MFSD6: variants seen among roughly 807,000 people sequenced by gnomAD.
MFSD6 encodes major facilitator superfamily domain-containing protein 6.
A neutral mutation model predicts 56.3 loss-of-function variants in MFSD6; 26 were observed. The ratio of observed to expected loss-of-function variants is 0.46; its 90% CI spans 0.34 to 0.64. MFSD6 has a LOEUF of 0.64. Among genes scored for constraint, MFSD6 ranks in the 30% least tolerant of loss-of-function variants. The pLI, the probability that MFSD6 is intolerant of heterozygous loss-of-function variation, is 0.01. For missense variants in MFSD6, 750 were observed against 986.2 expected (o/e 0.76, Z 3.21); for synonymous variants, 331 against 366.9 (o/e 0.90, Z 1.12).
intron 4 of MFSD6, among the ~76,000 whole-genome samples, chr2:190,478,551 A>G (rs560006696): frequency 2.0e-5 from 3 of 152,306 alleles, no homozygotes; most frequent in South Asian, 4.1e-4. Context: ...AAATGGCTTT[A>G]AAGTCCGTGT....
chr2:190,411,675 G>A (rs960065981), intron 1 of MFSD6: 4 of 984,778 alleles, frequency 4.1e-6, no homozygotes, highest in African/African-American at 3.5e-5. Context: ...AAACTCTAAT[G>A]TTAGGGAAGT....
At position 190,496,115 on chromosome 2, in the gene MFSD6, T is replaced by A. The variant is rs1689657873; in HGVS notation, c.1892-1324T>A. 6.6e-6 allele frequency among the ~76,000 whole-genome samples: 1 copy of A among 151,284 alleles called. No homozygotes were observed. Among genetic ancestry groups the A allele is most frequent in the African/African-American group, 2.4e-5 (1 of 41,088 alleles). On this transcript the variant is annotated intron_variant, in intron 6 of 7. Coordinates refer to ENST00000392328, the MANE Select transcript of MFSD6 (RefSeq NM_017694.4). The surrounding 1 kb of genome is among the most constrained non-coding windows in gnomAD (Gnocchi z 4.7). Reference sequence around the variant, plus strand: ...TCCGACAAAGGACTAATATCCAGAATCTATGACGAACTCAAACAAATTAGC... The same window carrying A: ...TCCGACAAAGGACTAATATCCAGAAACTATGACGAACTCAAACAAATTAGC...
In MFSD6 at chr2:190,426,834, ATCT is replaced by A. The variant is rs1419271901; in HGVS notation, c.-53-9141_-53-9139del. On this transcript the variant is annotated intron_variant, in intron 2 of 7. Transcript: ENST00000392328. This position sits in a 1 kb window ranked among gnomAD's most constrained non-coding sequence, Gnocchi z 4.7. ...TGGGTATTATTTTATGAGACTGTGG[ATCT>A]TATTTAGACCTTCTGCTTTAGCTGA... Among the ~76,000 whole-genome samples the A allele has an allele frequency of 1.3e-5, 2 of 151,616 alleles. No homozygotes were observed. Among genetic ancestry groups the A allele is most frequent in the African/African-American group, 4.9e-5 (2 of 41,122 alleles).
In MFSD6 at chr2:190,412,213, A is replaced by G. The variant is rs1291742294; in HGVS notation, c.-175-3079A>G. 3.0e-5 allele frequency: 30 copies of G among 985,050 alleles called. No homozygotes were observed. The highest frequency in any genetic ancestry group is 3.5e-5 in the Non-Finnish European group (29 of 829,696). The allele number at this position is 985,050 out of a possible 1,614,324, so 61.0% of individuals were successfully genotyped here. On this transcript the variant is annotated intron_variant, in intron 1 of 7. Coordinates refer to ENST00000392328, the MANE Select transcript of MFSD6 (RefSeq NM_017694.4). The surrounding 1 kb of genome is among the most constrained non-coding windows in gnomAD (Gnocchi z 4.1). Reference sequence around the variant, plus strand: ...TCCAGACTTAGAAATCCAGAGCCATAATACATTCAGACTTTTCAGAATCAA... The same window carrying G: ...TCCAGACTTAGAAATCCAGAGCCATGATACATTCAGACTTTTCAGAATCAA...
rs1689871880 is a variant in MFSD6 at position 190,499,019 on chromosome 2, G to A, written c.2173-996G>A. 6.6e-6 allele frequency among the ~76,000 whole-genome samples: 1 copy of A among 152,020 alleles called. No individual in the cohort carries two copies. Among genetic ancestry groups the A allele is most frequent in the African/African-American group, 2.4e-5 (1 of 41,388 alleles). On this transcript the variant is annotated intron_variant, in intron 7 of 7. Coordinates refer to ENST00000392328, the MANE Select transcript of MFSD6 (RefSeq NM_017694.4). The surrounding 1 kb of genome is among the most constrained non-coding windows in gnomAD (Gnocchi z 6.0). ...AAAAATTAGCTGGGCATGGTGGCGG[G>A]TGCCTGTAATCCCAGCTACTATGGA...
intron 2 of MFSD6, among the ~76,000 whole-genome samples, chr2:190,420,058 AAG>A (rs1685554086): frequency 6.6e-5 from 3 of 45,792 alleles, no homozygotes; most frequent in African/African-American, 7.5e-5. Flanking sequence ...CTATATTTTC[AAG>A]TTTCTTTTTT....
chr2:190,471,699 C>T lies in MFSD6; in HGVS notation c.1630+1844C>T, dbSNP rs1201072705. 6.6e-6 allele frequency among the ~76,000 whole-genome samples: 1 copy of T among 152,188 alleles called. No homozygotes were observed. The highest frequency in any genetic ancestry group is 1.5e-5 in the Non-Finnish European group (1 of 68,036). On this transcript the variant is annotated intron_variant, in intron 4 of 7. Coordinates refer to ENST00000392328, the MANE Select transcript of MFSD6 (RefSeq NM_017694.4). The surrounding 1 kb of genome is among the most constrained non-coding windows in gnomAD (Gnocchi z 4.7). ...ATAGCCAAACAAAAGGCAGCAGAAA[C>T]CTCTGCAGACTTAAATGTCCCTGTC...
chr2:190,464,794 AAGTAG>A (rs1687511011), intron 3 of MFSD6: 1 of 452,454 alleles, frequency 2.2e-6, no homozygotes, highest in Non-Finnish European at 2.9e-6. Context: ...CTTGAAGACC[AAGTAG>A]ATTTCCTCTT....
At chr2:190,415,000 T>C (rs1218082973) in intron 1 of MFSD6, among the ~76,000 whole-genome samples, 2 of 152,228 alleles carry the variant, frequency 1.3e-5, no homozygotes, top group Admixed American at 6.5e-5. Context: ...GATATGGATA[T>C]AAGATTTTAT....
At chr2:190,473,769 TC>T (rs1223249398) in intron 4 of MFSD6, among the ~76,000 whole-genome samples, 1 of 152,176 alleles carries the variant, frequency 6.6e-6, no homozygotes, top group Non-Finnish European at 1.5e-5. Flanking sequence ...GAATATACAT[TC>T]TTTTCAGCAC....
In MFSD6 at chr2:190,447,413, G is replaced by A. The variant is rs552327033; in HGVS notation, c.1532+9852G>A. The stretch of plus-strand genomic sequence containing the variant: ...GAGAGCTTTGGATTTGTTAAAATAT[G>A]GCATTTATGGATTATTCCTGTACTG... On this transcript the variant is annotated intron_variant, in intron 3 of 7. Transcript: ENST00000392328. The surrounding 1 kb of genome is among the most constrained non-coding windows in gnomAD (Gnocchi z 4.5). 1.3e-4 allele frequency among the ~76,000 whole-genome samples: 20 copies of A among 152,196 alleles called. 1 individual carries two copies. The South Asian group carries it at 4.1e-3, about 32-fold the overall frequency.
rs7557681 is a variant in MFSD6, at chr2:190,426,019, A to T, written c.-53-9958A>T. Among the ~76,000 whole-genome samples the T allele has an allele frequency of 0.46, 69,516 of 151,866 alleles. 16,327 individuals carry two copies. Among genetic ancestry groups the T allele is most frequent in the Admixed American group, 0.61 (9,291 of 15,262 alleles). ...TTAGTTTTTAGAAGTTTGACTGATG[A>T]GTTTTGGTGTGGGCATTTTGTTTTA... On this transcript the variant is annotated intron_variant, in intron 2 of 7. Transcript: ENST00000392328. The surrounding 1 kb of genome is among the most constrained non-coding windows in gnomAD (Gnocchi z 4.7).
At position 190,411,468 on chromosome 2, in the gene MFSD6, A is replaced by G. The variant is rs564641378; in HGVS notation, c.-176+2965A>G. The G allele has an allele frequency of 1.0e-5, 10 of 985,366 alleles. No individual in the cohort carries two copies. In the African/African-American group the frequency reaches 1.4e-4, roughly 14 times the overall value. The allele number at this position is 985,366 out of a possible 1,614,324, so 61.0% of individuals were successfully genotyped here. A position where few individuals can be genotyped will look rare whatever the true frequency, so the allele number is the denominator to read the frequency against. On this transcript the variant is annotated intron_variant, in intron 1 of 7. Transcript: ENST00000392328. ...CCACTGCGCCCAGCCGACAGTGGCT[A>G]TCTTCAGGAAGTGAGACAAGATGGA...
rs1208451577 is a variant in MFSD6 at position 190,463,942 on chromosome 2, G to A, written c.1533-5816G>A. The A allele has an allele frequency of 3.0e-5, 29 of 957,956 alleles. No homozygotes were observed. Among genetic ancestry groups the A allele is most frequent in the Non-Finnish European group, 3.4e-5 (27 of 804,964 alleles). The allele number at this position is 957,956 out of a possible 1,614,324, so 59.3% of individuals were successfully genotyped here. ...ATCCAGTTTATATATGAGGCAGACT[G>A]TAGACTGTGCTCCAGGGATCTGGTG... On this transcript the variant is annotated intron_variant, in intron 3 of 7. Transcript: ENST00000392328. The surrounding 1 kb of genome is among the most constrained non-coding windows in gnomAD (Gnocchi z 4.4).
chr2:190,429,619 A>G (rs1314341306), intron 2 of MFSD6, among the ~76,000 whole-genome samples: 1 of 152,116 alleles, frequency 6.6e-6, no homozygotes, highest in Non-Finnish European at 1.5e-5. Context: ...CTAGCCAGAA[A>G]TTCTTAATTT....
rs1686941606 is a variant in MFSD6 at position 190,454,959 on chromosome 2, T to TGTATATGTATAC, written c.1533-14788_1533-14787insCGTATATGTATA. On this transcript the variant is annotated intron_variant, in intron 3 of 7. Coordinates refer to ENST00000392328, the MANE Select transcript of MFSD6 (RefSeq NM_017694.4). The surrounding 1 kb of genome is among the most constrained non-coding windows in gnomAD (Gnocchi z 4.6). ...ATGTATATGTATATGTATATGTATA[T>TGTATATGTATAC]GTATATGTATATGTATATGTATATG... 2.8e-5 allele frequency among the ~76,000 whole-genome samples: 3 copies of TGTATATGTATAC among 108,304 alleles called. No individual in the cohort carries two copies. Among genetic ancestry groups the TGTATATGTATAC allele is most frequent in the African/African-American group, 9.0e-5 (3 of 33,488 alleles). The allele number at this position is 108,304 out of a possible 152,430, so 71.1% of individuals were successfully genotyped here.
At chr2:190,442,625 C>T (rs1228291273) in intron 3 of MFSD6, 1 of 152,094 alleles carries the variant, frequency 6.6e-6, no homozygotes, top group Non-Finnish European at 1.5e-5. Flanking sequence ...GTAAAATTGA[C>T]AGAATTATTT....
rs1685708131 is a variant in MFSD6 at position 190,423,899 on chromosome 2, C to T, written c.-54+8486C>T. On this transcript the variant is annotated intron_variant, in intron 2 of 7. Transcript: ENST00000392328. The surrounding 1 kb of genome is among the most constrained non-coding windows in gnomAD (Gnocchi z 4.3). ...TTCCCTAATCATTAATGATGTTGAA[C>T]ATCTTTTCATTTGTATCTATGCATT... Among the ~76,000 whole-genome samples the T allele has an allele frequency of 6.6e-6, 1 of 152,154 alleles. No homozygotes were observed. Among genetic ancestry groups the T allele is most frequent in the South Asian group, 2.1e-4 (1 of 4,826 alleles).
intron 2 of MFSD6, 27 bp from the exon 3 acceptor site, chr2:190,435,950 A>T: frequency 6.7e-7 from 1 of 1,495,282 alleles, no homozygotes; most frequent in Non-Finnish European, 9.0e-7. Flanking sequence ...TTCATTACTA[A>T]GCCATCTTTT....
Sources: allele counts gnomAD v4.1 joint callset (sites outside exome capture counted in the v4.1 genomes callset), GRCh38; gene constraint gnomAD v4.1.1; non-coding constraint Gnocchi (gnomAD v3.1); transcripts MANE v1.5; gene names NCBI Gene and HGNC (gene_info 2026-07-23, HGNC 2026-07-21).